MPI: variants seen among roughly 807,000 people sequenced by gnomAD.
MPI encodes the protein mannose phosphate isomerase.
MPI carries 33 observed loss-of-function variants against 40.1 expected under a neutral mutation model. The ratio of observed to expected loss-of-function variants is 0.82; its 90% CI spans 0.62 to 1.10. The LOEUF (loss-of-function observed/expected upper bound fraction) is 1.10. MPI is among the 50% of genes least tolerant of loss of function. The pLI is 0.00. For synonymous variants in MPI, 187 were observed against 207.4 expected (o/e 0.90, Z 0.85); for missense variants, 514 against 524.1 (o/e 0.98, Z 0.19).
In MPI at chr15:74,891,641, G is replaced by A. The variant is rs77491753; in HGVS notation, c.345+62G>A. The A allele has an allele frequency of 4.4e-4, 699 of 1,572,532 alleles. 1 individual carries two copies. Among genetic ancestry groups the A allele is most frequent in the Non-Finnish European group, 5.6e-4 (643 of 1,143,314 alleles). On this transcript the variant is annotated intron_variant, in intron 3 of 7. Coordinates refer to ENST00000352410, the MANE Select transcript of MPI (RefSeq NM_002435.3). ...GAAGGGCTTATGCTAAGGCCCTCCCGTGACTTTTACTGCCACTTTTACCCC... is the reference window on the plus strand; with the variant it reads ...GAAGGGCTTATGCTAAGGCCCTCCCATGACTTTTACTGCCACTTTTACCCC...
chr15:74,892,525 C>A, intron 3 of MPI, 136 bp from the exon 4 acceptor site: 1 of 1,307,706 alleles, frequency 7.6e-7, no homozygotes, highest in Non-Finnish European at 1.1e-6. Context: ...TTTGACTGGG[C>A]TCCTTGCCAG....
rs531992958 is a variant in MPI, at chr15:74,900,912, A to T, written c.*3182A>T. On this transcript the variant is annotated 3_prime_UTR_variant, in exon 8 of 8. Coordinates refer to ENST00000352410, the MANE Select transcript of MPI (RefSeq NM_002435.3). ...GAGAAAAACACAAAGATAGATGTCC[A>T]TCAGGCACTCACAGGATTACCATCG... 1 of 152,364 alleles carries T rather than the reference A, an allele frequency of 6.6e-6. No individual in the cohort carries two copies. Among genetic ancestry groups the T allele is most frequent in the Admixed American group, 6.5e-5 (1 of 15,300 alleles). 9.4% of individuals were successfully genotyped at this position (152,364 alleles called of 1,614,324 possible).
intron 5 of MPI, among the ~76,000 whole-genome samples, chr15:74,894,639 A>AG (rs1163099173): frequency 6.7e-6 from 1 of 149,972 alleles, no homozygotes; most frequent in Non-Finnish European, 1.5e-5. Context: ...AAAAAAAAAA[A>AG]TGCTGGGCAT....
In MPI at chr15:74,900,091, G is replaced by C. The variant is rs1207484577; in HGVS notation, c.*2361G>C. ...ATAAACACCATATGGTACCACTCCT[G>C]CTGGGAGGTAAGCCTGGATACACCC... On this transcript the variant is annotated 3_prime_UTR_variant, in exon 8 of 8. Coordinates refer to ENST00000352410, the MANE Select transcript of MPI (RefSeq NM_002435.3). The C allele has an allele frequency of 6.6e-6, 1 of 152,260 alleles. No homozygotes were observed. The highest frequency in any genetic ancestry group is 1.9e-4 in the East Asian group (1 of 5,196). The allele number at this position is 152,260 out of a possible 1,614,324, so 9.4% of individuals were successfully genotyped here.
intron 5 of MPI, among the ~76,000 whole-genome samples, chr15:74,895,169 G>A (rs1419416181): frequency 6.8e-6 from 1 of 147,458 alleles, no homozygotes; most frequent in Admixed American, 6.8e-5. Flanking sequence ...TAGAGATGGG[G>A]TTTCACCATG....
Position 74,901,692 on chromosome 15 carries a change from G to A in MPI, c.*3962G>A, listed in dbSNP as rs1264154458. ...CACACAGCTGTATACCCACTCTCACGAGTCCATTGCTACTTCTCAAAAGTT... is the reference window on the plus strand; with the variant it reads ...CACACAGCTGTATACCCACTCTCACAAGTCCATTGCTACTTCTCAAAAGTT... On this transcript the variant is annotated 3_prime_UTR_variant, in exon 8 of 8. Coordinates refer to ENST00000352410, the MANE Select transcript of MPI (RefSeq NM_002435.3). The A allele has an allele frequency of 6.4e-5, 10 of 155,984 alleles. No individual in the cohort carries two copies. Among genetic ancestry groups the A allele is most frequent in the Middle Eastern group, 3.0e-3 (1 of 334 alleles). 9.7% of individuals were successfully genotyped at this position (155,984 alleles called of 1,614,324 possible).
chr15:74,893,539 A>C (rs2064758249), intron 5 of MPI: 1 of 652,280 alleles, frequency 1.5e-6, no homozygotes, highest in Admixed American at 2.2e-5. Flanking sequence ...CATCTTCTCC[A>C]GATGGTTGGA....
At chr15:74,896,775 A>G (rs746764781) in intron 6 of MPI, 8 of 631,426 alleles carry the variant, frequency 1.3e-5, no homozygotes, top group Non-Finnish European at 2.0e-5. Flanking sequence ...GTGGGAGACT[A>G]CAGAGTTGGG....
intron 5 of MPI, 34 bp from the exon 6 acceptor site, chr15:74,896,118 C>G: frequency 6.2e-7 from 1 of 1,612,376 alleles, no homozygotes; most frequent in Non-Finnish European, 8.5e-7. Flanking sequence ...TGAGTATCCC[C>G]CTAAGTGACC....
intron 3 of MPI, 46 bp downstream of exon 3, chr15:74,891,625 A>G (rs1437479194): frequency 1.1e-5 from 17 of 1,589,766 alleles, no homozygotes; most frequent in African/African-American, 1.3e-5. Flanking sequence ...AGAAGGGCTT[A>G]TGCTAAGGCC....
Position 74,893,328 on chromosome 15 carries a change from C to CA in MPI, c.670+9dup, listed in dbSNP as rs1595818806. 1.2e-6 allele frequency: 2 copies of CA among 1,614,052 alleles called. No homozygotes were observed. The highest frequency in any genetic ancestry group is 1.7e-6 in the Non-Finnish European group (2 of 1,179,906). On this transcript the variant is annotated intron_variant, in intron 5 of 7. Coordinates refer to ENST00000352410, the MANE Select transcript of MPI (RefSeq NM_002435.3). The stretch of plus-strand genomic sequence containing the variant: ...AGCGGATCTCCCAGCAAGGTGGACA[C>CA]AGTTATATTCCTGGTTGGGTGCAAT...
In MPI at chr15:74,896,190, C is replaced by G. The variant is rs767145258; in HGVS notation, c.709C>G (p.Leu237Val). The G allele has an allele frequency of 1.2e-6, 2 of 1,614,190 alleles. No homozygotes were observed. Among genetic ancestry groups the G allele is most frequent in the Non-Finnish European group, 1.7e-6 (2 of 1,180,026 alleles). ...GNNMEDIFGE[L>V]LLQLHQQYPG... Reference sequence around the variant, plus strand: ...CAACATGGAGGACATCTTTGGGGAGCTTTTGCTACAGCTGCACCAGCAGTA... The same window carrying G: ...CAACATGGAGGACATCTTTGGGGAGGTTTTGCTACAGCTGCACCAGCAGTA... The change falls in exon 6 of 8, where the codon CTT becomes GTT. Residue 237 changes from leucine to valine, a missense_variant. By Grantham distance (32) the Leu-to-Val change is conservative. Transcript: ENST00000352410.
intron 5 of MPI, chr15:74,893,626 C>T (rs765005341): frequency 4.0e-5 from 24 of 596,374 alleles, no homozygotes; most frequent in Non-Finnish European, 6.6e-5. Flanking sequence ...TGCAGCTGCC[C>T]TCCATGGATG....
At position 74,893,069 on chromosome 15, in the gene MPI, C is replaced by G. The variant is rs1312826087; in HGVS notation, c.488-69C>G. On this transcript the variant is annotated intron_variant, in intron 4 of 7. Transcript: ENST00000352410. ...AGGGCTGGGATGGAAAGGTGTCCTC[C>G]AACTCCCCACTTGTGTGGGTTCCAT... 1.9e-6 allele frequency: 3 copies of G among 1,593,438 alleles called. No homozygotes were observed. In the East Asian group the frequency reaches 6.7e-5, roughly 36 times the overall value.
chr15:74,890,733 T>G (rs1158331576), intron 2 of MPI, 79 bp downstream of exon 2: 13 of 1,598,024 alleles, frequency 8.1e-6, no homozygotes, highest in South Asian at 1.1e-5. Context: ...AAGAATCAGC[T>G]GGGAAGGGTG....
At chr15:74,893,617 G>A in intron 5 of MPI, 1 of 598,622 alleles carries the variant, frequency 1.7e-6, no homozygotes, top group Non-Finnish European at 3.0e-6. Context: ...CCCTAGCCCT[G>A]CAGCTGCCCT....
At position 74,897,197 on chromosome 15, in the gene MPI, A is replaced by C. The variant is rs2064831922; in HGVS notation, c.1031A>C (p.Asp344Ala). The C allele has an allele frequency of 1.2e-6, 2 of 1,614,160 alleles. No homozygotes were observed. Among genetic ancestry groups the C allele is most frequent in the Non-Finnish European group, 1.7e-6 (2 of 1,180,006 alleles). The change falls in exon 7 of 8, where the codon GAC becomes GCC. Residue 344 changes from aspartate (D) to alanine (A), a missense_variant. Physicochemically the swap from Asp to Ala is moderately radical, Grantham distance 126. Coordinates refer to ENST00000352410, the MANE Select transcript of MPI (RefSeq NM_002435.3). Reference sequence around the variant, plus strand: ...TCAATCTATGACCCCCCTGTACCAGACTTCACCATTATGAAGACGGAGGTG... The same window carrying C: ...TCAATCTATGACCCCCCTGTACCAGCCTTCACCATTATGAAGACGGAGGTG... ...YLSIYDPPVP[D>A]FTIMKTEVPG...
chr15:74,896,066 T>C, intron 5 of MPI, 86 bp from the exon 6 acceptor site: 5 of 1,540,688 alleles, frequency 3.2e-6, no homozygotes, highest in Non-Finnish European at 4.4e-6. Flanking sequence ...GCAGGGACCT[T>C]TTCCTAGGAC....
rs1383667152 is a variant in MPI, at chr15:74,898,965, A to C, written c.*1235A>C. ...TCAAGCCACAGTGGCAAAGTTGAAG[A>C]GTTGCACTAGACTGTACGGCCTGCA... On this transcript the variant is annotated 3_prime_UTR_variant, in exon 8 of 8. Coordinates refer to ENST00000352410, the MANE Select transcript of MPI (RefSeq NM_002435.3). The C allele has an allele frequency of 1.3e-5, 2 of 152,338 alleles. No homozygotes were observed. The allele number at this position is 152,338 out of a possible 1,614,324, so 9.4% of individuals were successfully genotyped here.
Sources: allele counts gnomAD v4.1 joint callset (sites outside exome capture counted in the v4.1 genomes callset), GRCh38; gene constraint gnomAD v4.1.1; transcripts MANE v1.5; gene names NCBI Gene and HGNC (gene_info 2026-07-23, HGNC 2026-07-21).